RNF207: variants seen among roughly 807,000 people sequenced by gnomAD.
The protein encoded by RNF207 is ring finger protein 207.
RNF207 carries 72 observed loss-of-function variants against 79.0 expected under a neutral mutation model. The ratio of observed to expected loss-of-function variants is 0.91; its 90% CI spans 0.75 to 1.11. The LOEUF (loss-of-function observed/expected upper bound fraction) is 1.11. Ranked by LOEUF, RNF207 falls within the 50% of genes least tolerant of loss-of-function variation. RNF207 has a pLI of 0.00. For synonymous variants in RNF207, 348 were observed against 366.2 expected, an observed-to-expected ratio of 0.95 and a Z score of 0.57; for missense variants, 936 against 855.8, an observed-to-expected ratio of 1.09 and a Z score of -1.17.
At chr1:6,216,310 C>T (rs1197960051) in intron 16 of RNF207, among the ~76,000 whole-genome samples, 1 of 152,164 alleles carries the variant, frequency 6.6e-6, no homozygotes, top group Non-Finnish European at 1.5e-5. Flanking sequence ...CCATACTCTA[C>T]CTCTGCAGAA....
chr1:6,212,272 G>C lies in RNF207; in HGVS notation c.1338G>C (p.Gln446His). The C allele has an allele frequency of 6.2e-7, 1 of 1,613,842 alleles. No homozygotes were observed. Among genetic ancestry groups the C allele is most frequent in the South Asian group, 1.1e-5 (1 of 91,074 alleles). Residue 446 changes from glutamine to histidine, a missense_variant, in exon 14 of 18, where the codon CAG becomes CAC. By Grantham distance (24) the Gln-to-His change is conservative. Transcript: ENST00000377939. ...AEMQSLKDQVQELHRDLTKHH... is the reference protein window; with the variant it reads ...AEMQSLKDQVHELHRDLTKHH... ...TGCAGAGCCTAAAGGACCAGGTACAGGAGCTGCACCGAGACCTCACCAAGC... is the reference window on the plus strand; with the variant it reads ...TGCAGAGCCTAAAGGACCAGGTACACGAGCTGCACCGAGACCTCACCAAGC...
At position 6,212,423 on chromosome 1, in the gene RNF207, C is replaced by T; in HGVS notation, c.1482+7C>T. ...GAGGGTCGTCTTCCAGGAGGTAGCC[C>T]TCCCAAGGACTCTAACTCCAGCCCC... On this transcript the variant is annotated splice_region_variant and intron_variant, in intron 14 of 17. Coordinates refer to ENST00000377939, the MANE Select transcript of RNF207 (RefSeq NM_207396.3). 6.2e-7 allele frequency: 1 copy of T among 1,600,564 alleles called. No individual in the cohort carries two copies. The highest frequency in any genetic ancestry group is 8.5e-7 in the Non-Finnish European group (1 of 1,173,606).
rs138727802 is a variant in RNF207 at position 6,212,030 on chromosome 1, C to T, written c.1273C>T (p.Arg425Cys). The stretch of plus-strand genomic sequence containing the variant: ...GAACACGCCCTTCGCAGAGCACTGC[C>T]GCCACTATGAGGACTCCTACCGGGT... The part of the protein sequence containing the change: ...GENTPFAEHC[R>C]HYEDSYRHLQ... The change falls in exon 13 of 18, where the codon CGC becomes TGC. Residue 425 changes from arginine (R) to cysteine (C), a missense_variant. Arg to Cys is a radical substitution (Grantham distance 180). Transcript: ENST00000377939. 583 of 1,601,446 alleles carry T rather than the reference C, an allele frequency of 3.6e-4. 5 individuals are homozygous for T. In the East Asian group the frequency reaches 0.011, roughly 31 times the overall value.
intron 16 of RNF207, among the ~76,000 whole-genome samples, chr1:6,214,855 T>A (rs893581692): frequency 6.6e-6 from 1 of 151,714 alleles, no homozygotes; most frequent in Non-Finnish European, 1.5e-5. Context: ...CAGGATCGTC[T>A]TGATCACCTG....
chr1:6,219,183 G>A (rs1668462682), intron 17 of RNF207, 53 bp from the exon 18 acceptor site: 1 of 1,512,844 alleles, frequency 6.6e-7, no homozygotes, highest in African/African-American at 1.4e-5. Flanking sequence ...TTTAGTGCAG[G>A]GATATGGTGA....
chr1:6,214,630 C>CTTTTTTTTTTTTTTTTTTTTTTTTTT (rs144139448), intron 16 of RNF207, among the ~76,000 whole-genome samples: 2 of 70,628 alleles, frequency 2.8e-5, no homozygotes, highest in Admixed American at 1.6e-4. Context: ...ATATTTCTTT[C>CTTTTTTTTTTTTTTTTTTTTTTTTTT]TTTTTTTTTT....
In RNF207 at chr1:6,207,588, A is replaced by C; in HGVS notation, c.324+77A>C. 1 of 1,463,112 alleles carries C rather than the reference A, an allele frequency of 6.8e-7. No homozygotes were observed. The highest frequency in any genetic ancestry group is 9.3e-7 in the Non-Finnish European group (1 of 1,075,470). 90.6% of individuals were successfully genotyped at this position (1,463,112 alleles called of 1,614,324 possible). On this transcript the variant is annotated intron_variant, in intron 3 of 17. Coordinates refer to ENST00000377939, the MANE Select transcript of RNF207 (RefSeq NM_207396.3). The surrounding 1 kb of genome is among the most constrained non-coding windows in gnomAD (Gnocchi z 4.5). ...GTCCCCAATGCTTGCACATGCACTC[A>C]GCATGTCTTCAGAGGACGACCTGGC...
rs376777304 is a variant in RNF207 at position 6,218,372 on chromosome 1, A to G, written c.1733+3A>G. On this transcript the variant is annotated splice_donor_region_variant and intron_variant, in intron 17 of 17. Transcript: ENST00000377939. ...AGGAACAACGCGGCCTCAGCCAGGT[A>G]AAGCAAGTCTCTCCACTGGAGAGTG... The G allele has an allele frequency of 2.5e-6, 4 of 1,608,534 alleles. No individual in the cohort carries two copies. In the African/African-American group the frequency reaches 4.0e-5, roughly 16 times the overall value.
chr1:6,209,234 C>T (rs1396465627), intron 5 of RNF207, 34 bp from the exon 6 acceptor site: 2 of 1,549,922 alleles, frequency 1.3e-6, no homozygotes, highest in Admixed American at 3.9e-5. Flanking sequence ...GGCTGGGGGC[C>T]GCTGGAGCGG....
chr1:6,209,703 C>A (rs1668077146), intron 7 of RNF207, among the ~76,000 whole-genome samples, 164 bp downstream of exon 7: 1 of 152,080 alleles, frequency 6.6e-6, no homozygotes, highest in African/African-American at 2.4e-5. Flanking sequence ...GGGCCTGCCG[C>A]AGGCTGGTGG....
In RNF207 at chr1:6,212,435, C is replaced by CT. The variant is rs752330840; in HGVS notation, c.1482+20dup. On this transcript the variant is annotated intron_variant, in intron 14 of 17. Transcript: ENST00000377939. ...CCAGGAGGTAGCCCTCCCAAGGACT[C>CT]TAACTCCAGCCCCACCTGTCAGGGG... 3.2e-5 allele frequency: 51 copies of CT among 1,592,364 alleles called. No individual in the cohort carries two copies. The highest frequency in any genetic ancestry group is 6.9e-5 in the Admixed American group (4 of 58,254).
Position 6,217,959 on chromosome 1 carries a change from T to C in RNF207, c.1653-330T>C, listed in dbSNP as rs1291522689. Among the ~76,000 whole-genome samples the C allele has an allele frequency of 6.6e-6, 1 of 152,170 alleles. No individual in the cohort carries two copies. The highest frequency in any genetic ancestry group is 1.9e-4 in the East Asian group (1 of 5,184). On this transcript the variant is annotated intron_variant, in intron 16 of 17. Transcript: ENST00000377939. This position sits in a 1 kb window ranked among gnomAD's most constrained non-coding sequence, Gnocchi z 4.2. The stretch of plus-strand genomic sequence containing the variant: ...ACAGACCCTCAGTCGGGCCCCAGCT[T>C]GGATGAGTGTCAGCAGAGGCCCTCC...
At chr1:6,209,084 G>C (rs543844523) in intron 4 of RNF207, 31 bp from the exon 5 acceptor site, 13 of 1,547,562 alleles carry the variant, frequency 8.4e-6, no homozygotes, top group African/African-American at 1.4e-5. Flanking sequence ...GCACTGACCG[G>C]AGCCCTCACC....
At chr1:6,212,528 T>C in intron 14 of RNF207, 112 bp downstream of exon 14, 1 of 1,263,132 alleles carries the variant, frequency 7.9e-7, no homozygotes, top group Non-Finnish European at 1.1e-6. Context: ...GGGACCCTCA[T>C]GTGGCAGGGT....
chr1:6,210,097 G>A, intron 8 of RNF207, 126 bp from the exon 9 acceptor site: 1 of 1,298,508 alleles, frequency 7.7e-7, no homozygotes, highest in Admixed American at 1.9e-5. Context: ...GCTAAGGAGG[G>A]CAGCATGGCT....
At chr1:6,210,038 G>A in intron 8 of RNF207, 68 bp downstream of exon 8, 2 of 1,480,176 alleles carry the variant, frequency 1.4e-6, no homozygotes, top group Non-Finnish European at 1.8e-6. Context: ...TCAGAGCCTG[G>A]GCAGGCCCTG....
Position 6,209,845 on chromosome 1 carries a change from C to G in RNF207, c.754-79C>G. ...GATACCTAGTGTAACCAGCAGGTGG[C>G]TGGGGTCCGGGGGGTAGGCATGGTG... is the stretch of plus-strand genomic sequence containing the variant. On this transcript the variant is annotated intron_variant, in intron 7 of 17. Transcript: ENST00000377939. 2 of 1,450,632 alleles carry G rather than the reference C, an allele frequency of 1.4e-6. 1 individual carries two copies. The highest frequency in any genetic ancestry group is 2.7e-5 in the South Asian group (2 of 74,898). The allele number at this position is 1,450,632 out of a possible 1,614,324, so 89.9% of individuals were successfully genotyped here.
chr1:6,218,231 A>T, intron 16 of RNF207, 58 bp from the exon 17 acceptor site: 1 of 1,216,988 alleles, frequency 8.2e-7, no homozygotes. Context: ...TCTGAGCTTA[A>T]GGCCGTGCAG....
chr1:6,210,984 A>G, intron 11 of RNF207, 37 bp from the exon 12 acceptor site: 1 of 1,599,006 alleles, frequency 6.3e-7, no homozygotes, highest in African/African-American at 1.3e-5. Flanking sequence ...CCTGCAGGGC[A>G]GTGGAGGCCA....
Sources: allele counts gnomAD v4.1 joint callset (sites outside exome capture counted in the v4.1 genomes callset), GRCh38; gene constraint gnomAD v4.1.1; non-coding constraint Gnocchi (gnomAD v3.1); transcripts MANE v1.5; gene names NCBI Gene and HGNC (gene_info 2026-07-23, HGNC 2026-07-21).